ZNF263: variants seen among roughly 807,000 people sequenced by gnomAD.
The protein encoded by ZNF263 is zinc finger protein FPM315.
A neutral mutation model predicts 63.1 loss-of-function variants in ZNF263; 49 were observed. The observed-to-expected ratio is 0.78, with a 90% CI of 0.62 to 0.99. The LOEUF (loss-of-function observed/expected upper bound fraction) is 0.99, where lower values mean the gene tolerates loss of function less well. Among genes scored for constraint, ZNF263 ranks in the 50% least tolerant of loss-of-function variants. The pLI is 0.00. For synonymous variants in ZNF263, 352 were observed against 324.2 expected, an observed-to-expected ratio of 1.09 and a Z score of -0.92; for missense variants, 872 against 854.8, an observed-to-expected ratio of 1.02 and a Z score of -0.25.
chr16:3,287,099 C>T (rs886115118), intron 4 of ZNF263, among the ~76,000 whole-genome samples: 1 of 152,172 alleles, frequency 6.6e-6, no homozygotes, highest in African/African-American at 2.4e-5. Flanking sequence ...AGACACACCG[C>T]ACATTGTTTC....
At chr16:3,296,442 GGCAAAACATCAA>G (rs1398447374), downstream of ZNF263, among the ~76,000 whole-genome samples, 1 of 152,080 alleles carries the variant, frequency 6.6e-6, no homozygotes, top group Non-Finnish European at 1.5e-5. Flanking sequence ...TTTCAAAAGA[GGCAAAACATCAA>G]GCAAAGAGTA....
chr16:3,299,173 C>G (rs1336115538), intron 2 of ZNF263: 1 of 1,584,792 alleles, frequency 6.3e-7, no homozygotes, highest in Non-Finnish European at 8.6e-7. Flanking sequence ...CAAACTCTCT[C>G]TTACAGCAGA....
downstream of ZNF263, among the ~76,000 whole-genome samples, chr16:3,295,558 G>GGCCGAGCGAGGCGATGGGAAA (rs149918573): frequency 1.3e-5 from 2 of 152,068 alleles, no homozygotes; most frequent in Non-Finnish European, 1.5e-5. Flanking sequence ...AGGCGCGGAG[G>GGCCGAGCGAGGCGATGGGAAA]GCCGAGCTGG....
chr16:3,287,405 CTTTT>C (rs34751211), intron 4 of ZNF263, among the ~76,000 whole-genome samples: 3 of 97,866 alleles, frequency 3.1e-5, no homozygotes, highest in African/African-American at 8.2e-5. Context: ...CACACCCGGC[CTTTT>C]TTTTTTTTTT....
chr16:3,299,799 A>T, intron 2 of ZNF263: 1 of 1,583,586 alleles, frequency 6.3e-7, no homozygotes, highest in South Asian at 1.2e-5. Flanking sequence ...GTCGGACCTC[A>T]GGAACAAAGT....
chr16:3,300,118 T>C (rs1959893570), intron 2 of ZNF263: 1 of 1,614,218 alleles, frequency 6.2e-7, no homozygotes, highest in Non-Finnish European at 8.5e-7. Context: ...CAGTTTCTCC[T>C]CTTTGATTAT....
chr16:3,288,615 C>T, intron 5 of ZNF263, 45 bp downstream of exon 5: 1 of 1,465,896 alleles, frequency 6.8e-7, no homozygotes, highest in Non-Finnish European at 9.4e-7. Context: ...CAGCAAGGCT[C>T]TTGCAGTTAA....
intron 1 of ZNF263, among the ~76,000 whole-genome samples, chr16:3,297,537 T>G (rs1401700398): frequency 7.5e-6 from 1 of 133,214 alleles, no homozygotes. Flanking sequence ...CGATCTCGGC[T>G]CACTGCAAGC....
At chr16:3,299,927 CAAT>C (rs759697789) in intron 2 of ZNF263, 4 of 1,612,448 alleles carry the variant, frequency 2.5e-6, no homozygotes, top group Non-Finnish European at 3.4e-6. Context: ...TTTGATTTTC[CAAT>C]AATGATTGAC....
chr16:3,291,062 A>T lies in ZNF263; in HGVS notation c.*504A>T, dbSNP rs1299768958. The T allele has an allele frequency of 2.0e-6, 2 of 993,964 alleles. No homozygotes were observed. Among genetic ancestry groups the T allele is most frequent in the East Asian group, 2.2e-4 (2 of 9,086 alleles). The allele number at this position is 993,964 out of a possible 1,614,324, so 61.6% of individuals were successfully genotyped here. Reference sequence around the variant, plus strand: ...GAGTTGCAGCTGTCCCGAAGGCCCCAGTTGGGAAGCCATGGGCAGTCCAGA... The same window carrying T: ...GAGTTGCAGCTGTCCCGAAGGCCCCTGTTGGGAAGCCATGGGCAGTCCAGA... On this transcript the variant is annotated 3_prime_UTR_variant, in exon 6 of 6. Transcript: ENST00000219069.
chr16:3,297,685 C>T (rs1959797765), intron 1 of ZNF263, among the ~76,000 whole-genome samples: 1 of 151,602 alleles, frequency 6.6e-6, no homozygotes, highest in Non-Finnish European at 1.5e-5. Flanking sequence ...AAGATGGTCT[C>T]GATCTCCTGA....
chr16:3,295,368 A>C (rs1276549306), downstream of ZNF263, among the ~76,000 whole-genome samples: 1 of 152,038 alleles, frequency 6.6e-6, no homozygotes, highest in Non-Finnish European at 1.5e-5. Flanking sequence ...ATCACGCCCC[A>C]GCCGCCCAAG....
intron 4 of ZNF263, among the ~76,000 whole-genome samples, chr16:3,288,015 G>C (rs12921446): frequency 6.6e-6 from 1 of 151,948 alleles, no homozygotes; most frequent in African/African-American, 2.4e-5. Context: ...ACTTTGGGAG[G>C]CCGAGGCAGG....
intron 4 of ZNF263, 53 bp from the exon 5 acceptor site, chr16:3,288,401 C>G (rs1959461698): frequency 7.4e-7 from 1 of 1,342,592 alleles, no homozygotes; most frequent in Non-Finnish European, 1.1e-6. Context: ...TGTTTCCCTA[C>G]CCTGGTAGAG....
At position 3,290,491 on chromosome 16, in the gene ZNF263, C is replaced by G. The variant is rs1306954670; in HGVS notation, c.1985C>G (p.Ser662Cys). Residue 662 changes from serine (S) to cysteine (C), a missense_variant, in exon 6 of 6, where the codon TCT becomes TGT. Coordinates refer to ENST00000219069, the MANE Select transcript of ZNF263 (RefSeq NM_005741.5). ...ACGGGAGAGAGACCCTATAAATGTTCTGAATGTGGAGAAAGCTTCTCTCGG... is the reference window on the plus strand; with the variant it reads ...ACGGGAGAGAGACCCTATAAATGTTGTGAATGTGGAGAAAGCTTCTCTCGG... ...THTGERPYKCSECGESFSRSS... is the reference protein window; with the variant it reads ...THTGERPYKCCECGESFSRSS... 4 of 1,614,034 alleles carry G rather than the reference C, an allele frequency of 2.5e-6. No individual in the cohort carries two copies. The highest frequency in any genetic ancestry group is 2.5e-6 in the Non-Finnish European group (3 of 1,180,000).
intron 1 of ZNF263, chr16:3,298,985 T>G: frequency 4.7e-6 from 6 of 1,286,964 alleles, no homozygotes; most frequent in Admixed American, 3.0e-5. Flanking sequence ...GAACCAGAAG[T>G]TGAAGGCCCA....
At chr16:3,300,634 C>A (rs2150779861) in intron 2 of ZNF263, 1 of 1,530,108 alleles carries the variant, frequency 6.5e-7, no homozygotes, top group South Asian at 1.3e-5. Flanking sequence ...AACTCTGAAC[C>A]ACCAACAGGA....
At chr16:3,286,804 G>C (rs1384394157) in intron 4 of ZNF263, 1 of 152,198 alleles carries the variant, frequency 6.6e-6, no homozygotes, top group East Asian at 1.9e-4. Context: ...GGATATGCTT[G>C]TATTTATTGT....
intron 2 of ZNF263, chr16:3,300,193 C>G: frequency 6.2e-7 from 1 of 1,614,232 alleles, no homozygotes; most frequent in Non-Finnish European, 8.5e-7. Context: ...TTGTTCCCCA[C>G]ATCCTTTTCG....
Sources: gnomAD v4.1 joint callset for allele counts (sites outside exome capture counted in the v4.1 genomes callset) on GRCh38, gnomAD v4.1.1 for gene constraint, MANE v1.5 for transcripts, NCBI Gene and HGNC (gene_info 2026-07-23, HGNC 2026-07-21) for gene names.